Variants in TMCO6 observed in about 807,000 individuals in gnomAD.
TMCO6 encodes the protein transmembrane and coiled-coil domains 6.
A neutral mutation model predicts 61.8 loss-of-function variants in TMCO6; 47 were observed. The ratio of observed to expected loss-of-function variants is 0.76; its 90% confidence interval spans 0.60 to 0.97. The LOEUF (loss-of-function observed/expected upper bound fraction) is 0.97, where lower values mean the gene tolerates loss of function less well. TMCO6 is among the 50% of genes least tolerant of loss of function. The pLI, the probability that TMCO6 is intolerant of heterozygous loss-of-function variation, is 0.00. For missense variants in TMCO6, 557 were observed against 601.6 expected, an observed-to-expected ratio of 0.93 and a Z score of 0.78; for synonymous variants, 261 against 254.2, an observed-to-expected ratio of 1.03 and a Z score of -0.25.
At chr5:140,629,888 G>T in the TMCO6 span, among the ~76,000 whole-genome samples, 1 of 147,698 alleles carries the variant, frequency 6.8e-6, no homozygotes, top group Non-Finnish European at 1.5e-5. Flanking sequence ...AGCTGAGATT[G>T]CGCCATTGCA....
intron 7 of TMCO6, chr5:140,643,363 A>AT: frequency 1.6e-6 from 1 of 616,540 alleles, no homozygotes; most frequent in Non-Finnish European, 2.9e-6. Context: ...TGCCCGGCTA[A>AT]TTTTTGTATT....
In TMCO6 at chr5:140,645,249, C is replaced by G; in HGVS notation, c.*151C>G. On this transcript the variant is annotated 3_prime_UTR_variant, in exon 12 of 12. Transcript: ENST00000394671. The stretch of plus-strand genomic sequence containing the variant: ...CCTTTGGGTCCCAGCTCCTCCCCTT[C>G]CACTCAGCACTATCCAGGCAGGAGG... The G allele has an allele frequency of 1.3e-6, 1 of 780,636 alleles. No individual in the cohort carries two copies. The highest frequency in any genetic ancestry group is 2.1e-6 in the Non-Finnish European group (1 of 476,844). 48.4% of individuals were successfully genotyped at this position (780,636 alleles called of 1,614,324 possible).
chr5:140,603,772 C>T, the TMCO6 span, among the ~76,000 whole-genome samples: 2 of 151,908 alleles, frequency 1.3e-5, no homozygotes, highest in East Asian at 1.9e-4. Context: ...TTTCACCATT[C>T]GGTTATTATG....
the TMCO6 span, among the ~76,000 whole-genome samples, chr5:140,617,745 A>AAAAG: frequency 6.7e-6 from 1 of 150,130 alleles, no homozygotes. Flanking sequence ...AAAAAAAAAA[A>AAAAG]AAACTCAAGG....
At chr5:140,635,541 G>A (rs5744447), upstream of TMCO6, among the ~76,000 whole-genome samples, 1,730 of 152,248 alleles carry the variant, frequency 0.011, 30 homozygotes, top group African/African-American at 0.039. Flanking sequence ...GTTAAGAGGG[G>A]CAGTGATGGT....
chr5:140,613,386 T>TGAAAAAAA, the TMCO6 span, among the ~76,000 whole-genome samples: 1 of 87,436 alleles, frequency 1.1e-5, no homozygotes, highest in African/African-American at 5.2e-5. Context: ...AGACTCTGAC[T>TGAAAAAAA]AAAAAAAAAA....
intron 2 of TMCO6, among the ~76,000 whole-genome samples, chr5:140,640,743 CTAT>C (rs1756974411): frequency 6.6e-6 from 1 of 152,150 alleles, no homozygotes; most frequent in Admixed American, 6.5e-5. Context: ...AATGGTTTGT[CTAT>C]TGTTATTTCT....
rs999166229 is a variant in TMCO6 at position 140,639,722 on chromosome 5, G to C, written c.86-17G>C. Reference sequence around the variant, plus strand: ...GTGGTCGTCCTTCCCACGCTCAGCCGGCTCCTCTGCCCCCAGCACTGCGGA... The same window carrying C: ...GTGGTCGTCCTTCCCACGCTCAGCCCGCTCCTCTGCCCCCAGCACTGCGGA... On this transcript the variant is annotated splice_polypyrimidine_tract_variant and intron_variant, in intron 1 of 11. Coordinates refer to ENST00000394671, the MANE Select transcript of TMCO6 (RefSeq NM_018502.5). 4.4e-6 allele frequency: 7 copies of C among 1,576,776 alleles called. No individual in the cohort carries two copies. Among genetic ancestry groups the C allele is most frequent in the Admixed American group, 1.9e-5 (1 of 52,774 alleles).
chr5:140,632,258 G>T, the TMCO6 span: 15 of 1,613,708 alleles, frequency 9.3e-6, no homozygotes, highest in South Asian at 1.6e-4. This position sits in a 1 kb window ranked among gnomAD's most constrained non-coding sequence, Gnocchi z 6.2. Context: ...CCGCCAGTGC[G>T]GCGCACACGC....
the TMCO6 span, among the ~76,000 whole-genome samples, chr5:140,625,130 G>T: frequency 6.6e-6 from 1 of 152,134 alleles, no homozygotes; most frequent in Non-Finnish European, 1.5e-5. Context: ...AGGATTACAG[G>T]CGTGAGTCAC....
At chr5:140,599,009 C>T in the TMCO6 span, among the ~76,000 whole-genome samples, 1 of 152,196 alleles carries the variant, frequency 6.6e-6, no homozygotes. Flanking sequence ...CCAGGGCTGC[C>T]AGCATTTGTT....
the TMCO6 span, among the ~76,000 whole-genome samples, chr5:140,624,661 C>T: frequency 6.6e-6 from 1 of 150,474 alleles, no homozygotes; most frequent in Non-Finnish European, 1.5e-5. Flanking sequence ...GTGATTCTTG[C>T]ACCTCAGCCT....
At chr5:140,643,122 G>A in intron 7 of TMCO6, 81 bp downstream of exon 7, 1 of 1,589,054 alleles carries the variant, frequency 6.3e-7, no homozygotes, top group South Asian at 1.1e-5. Context: ...ACTTGTGTCT[G>A]GAATTGCTAT....
chr5:140,609,840 T>C, the TMCO6 span, among the ~76,000 whole-genome samples: 7 of 152,102 alleles, frequency 4.6e-5, no homozygotes, highest in Non-Finnish European at 8.8e-5. Context: ...TCCTAAACAT[T>C]TTATTCTTTT....
the TMCO6 span, chr5:140,631,903 C>T: frequency 2.5e-6 from 4 of 1,595,242 alleles, no homozygotes; most frequent in Admixed American, 3.4e-5. Context: ...GTTCCCGACA[C>T]CCCCACCGAC....
At chr5:140,633,722 G>A in the TMCO6 span, 29,395 of 151,962 alleles carry the variant, frequency 0.19, 3,374 homozygotes, top group East Asian at 0.3. Flanking sequence ...AAAGGAAGTT[G>A]GTCTAAAGAA....
chr5:140,643,074 T>C, intron 7 of TMCO6, 33 bp downstream of exon 7: 1 of 1,613,714 alleles, frequency 6.2e-7, no homozygotes, highest in Non-Finnish European at 8.5e-7. Flanking sequence ...ACCACAGATC[T>C]TCCCTGGGGC....
the TMCO6 span, among the ~76,000 whole-genome samples, chr5:140,607,943 C>T: frequency 0.03 from 4,549 of 152,062 alleles, 204 homozygotes; most frequent in African/African-American, 0.099. Context: ...GCACTCACCA[C>T]CAGGCCTGGC....
At chr5:140,645,522 A>T, downstream of TMCO6, 1 of 1,595,036 alleles carries the variant, frequency 6.3e-7, no homozygotes, top group Non-Finnish European at 8.6e-7. Context: ...CATTTTTTTC[A>T]CATTATACTA....
Sources: gnomAD v4.1 joint callset for allele counts (sites outside exome capture counted in the v4.1 genomes callset) on GRCh38, gnomAD v4.1.1 for gene constraint, Gnocchi (gnomAD v3.1) non-coding constraint, MANE v1.5 for transcripts, NCBI Gene and HGNC (gene_info 2026-07-23, HGNC 2026-07-21) for gene names.